The following SLCO3A1 variants were observed in gnomAD, a reference collection of about 807,000 sequenced individuals.
The protein encoded by SLCO3A1 is PGE1 transporter.
In SLCO3A1, 27 loss-of-function variants were observed where a neutral mutation model predicts 63.1. The observed-to-expected ratio is 0.43, with a 90% CI of 0.32 to 0.59. The LOEUF is 0.59. SLCO3A1 is among the 20% of genes least tolerant of loss of function. SLCO3A1 has a pLI of 0.09. For synonymous variants in SLCO3A1, 473 were observed against 409.9 expected, an observed-to-expected ratio of 1.15 and a Z score of -1.86; for missense variants, 773 against 945.8, an observed-to-expected ratio of 0.82 and a Z score of 2.40.
At chr15:91,963,651 T>C (rs1033668234) in intron 2 of SLCO3A1, among the ~76,000 whole-genome samples, 1 of 152,146 alleles carries the variant, frequency 6.6e-6, no homozygotes, top group African/African-American at 2.4e-5. Flanking sequence ...GTGTTACAGT[T>C]CTTAAAGATG....
intron 2 of SLCO3A1, among the ~76,000 whole-genome samples, chr15:92,049,002 C>A (rs892267512): frequency 2.0e-5 from 3 of 152,190 alleles, no homozygotes; most frequent in African/African-American, 7.2e-5. Flanking sequence ...GATGAGGCAG[C>A]CAAAGCCTGG....
chr15:92,032,488 C>G (rs1443213160), intron 2 of SLCO3A1, among the ~76,000 whole-genome samples: 1 of 152,020 alleles, frequency 6.6e-6, no homozygotes, highest in Non-Finnish European at 1.5e-5. Flanking sequence ...AGAGTCAGTG[C>G]AGGGGTGGTG....
intron 4 of SLCO3A1, among the ~76,000 whole-genome samples, chr15:92,116,998 T>C (rs558898209): frequency 5.9e-5 from 9 of 152,212 alleles, no homozygotes; most frequent in Non-Finnish European, 8.8e-5. Context: ...CACATCTAAT[T>C]CAAGGAGAAA....
At chr15:92,128,142 C>T (rs1055710328) in intron 6 of SLCO3A1, among the ~76,000 whole-genome samples, 2 of 152,160 alleles carry the variant, frequency 1.3e-5, no homozygotes, top group Non-Finnish European at 2.9e-5. Flanking sequence ...GCACAACCCA[C>T]GTAGCTCTCA....
chr15:91,987,905 G>A (rs974772619), intron 2 of SLCO3A1, among the ~76,000 whole-genome samples: 29 of 152,198 alleles, frequency 1.9e-4, no homozygotes, highest in African/African-American at 7.0e-4. Context: ...AATACCTAAA[G>A]GAGGGGTCCT....
intron 2 of SLCO3A1, among the ~76,000 whole-genome samples, chr15:91,982,571 A>C (rs1403684578): frequency 1.3e-5 from 2 of 152,208 alleles, no homozygotes; most frequent in Admixed American, 1.3e-4. Flanking sequence ...TTCTGGGCAA[A>C]AGCAGTGTTA....
At chr15:91,920,179 A>C (rs1667288403) in intron 2 of SLCO3A1, among the ~76,000 whole-genome samples, 1 of 152,208 alleles carries the variant, frequency 6.6e-6, no homozygotes, top group South Asian at 2.1e-4. Context: ...TAACTTACCC[A>C]AGCTCATTTA....
At chr15:92,131,164 T>C (rs973540733) in intron 7 of SLCO3A1, among the ~76,000 whole-genome samples, 7 of 152,174 alleles carry the variant, frequency 4.6e-5, no homozygotes, top group African/African-American at 1.7e-4. Context: ...GATCTGGCTT[T>C]TGAATGTAGG....
chr15:92,013,214 G>A (rs1441011526), intron 2 of SLCO3A1, among the ~76,000 whole-genome samples: 1 of 152,244 alleles, frequency 6.6e-6, no homozygotes, highest in Non-Finnish European at 1.5e-5. Context: ...TCAGCATAGA[G>A]GGAATGTGAA....
intron 2 of SLCO3A1, among the ~76,000 whole-genome samples, chr15:92,044,758 C>T (rs937967872): frequency 3.9e-5 from 6 of 152,246 alleles, no homozygotes; most frequent in African/African-American, 1.2e-4. Context: ...GTCTGATGCT[C>T]CAGCTTCTAC....
intron 2 of SLCO3A1, among the ~76,000 whole-genome samples, chr15:92,010,407 C>T (rs755713531): frequency 2.6e-5 from 4 of 152,164 alleles, no homozygotes; most frequent in Non-Finnish European, 5.9e-5. Flanking sequence ...GCATTCAGTC[C>T]AGCGTTTCTC....
downstream of SLCO3A1, among the ~76,000 whole-genome samples, chr15:92,167,545 A>G (rs1014317026): frequency 6.6e-6 from 1 of 152,214 alleles, no homozygotes; most frequent in African/African-American, 2.4e-5. Context: ...CAACAGCCGC[A>G]AGAACGTAAT....
In SLCO3A1 at chr15:91,857,029, CGTGTGTGTGTGT is replaced by C. The variant is rs58042356; in HGVS notation, c.180+2971_180+2982del. ...AGAAGCAACTTTGAGAAGGAGGACT[CGTGTGTGTGTGT>C]GTGTGTGTGTGTGTGTGTGTGTGTG... On this transcript the variant is annotated intron_variant, in intron 1 of 9. Coordinates refer to ENST00000318445, the MANE Select transcript of SLCO3A1 (RefSeq NM_013272.4). Among the ~76,000 whole-genome samples, 86 of 139,116 alleles carry C rather than the reference CGTGTGTGTGTGT, an allele frequency of 6.2e-4. 1 individual carries two copies. In the Middle Eastern group the frequency reaches 0.011, roughly 18 times the overall value. The allele number at this position is 139,116 out of a possible 152,430, so 91.3% of individuals were successfully genotyped here. A position where few individuals can be genotyped will look rare whatever the true frequency, so the allele number is the denominator to read the frequency against.
intron 1 of SLCO3A1, among the ~76,000 whole-genome samples, chr15:91,902,458 C>T (rs1333062188): frequency 2.0e-5 from 3 of 151,824 alleles, no homozygotes; most frequent in Non-Finnish European, 4.4e-5. Context: ...CTTTTGCTTG[C>T]CCCAACCAGC....
At chr15:92,108,506 G>A (rs1359081857) in intron 4 of SLCO3A1, among the ~76,000 whole-genome samples, 3 of 152,128 alleles carry the variant, frequency 2.0e-5, no homozygotes, top group Non-Finnish European at 4.4e-5. Context: ...GCTTTTGAGA[G>A]GCTACACCTG....
intron 2 of SLCO3A1, among the ~76,000 whole-genome samples, chr15:92,072,335 G>T (rs1202638309): frequency 3.3e-5 from 5 of 149,786 alleles, no homozygotes; most frequent in African/African-American, 1.2e-4. Context: ...GGTGGTTGTT[G>T]TTGTCGGCTC....
intron 2 of SLCO3A1, among the ~76,000 whole-genome samples, chr15:91,931,793 A>ACACACACACACACT (rs1899240577): frequency 6.7e-6 from 1 of 149,314 alleles, no homozygotes; most frequent in African/African-American, 2.5e-5. Context: ...GTGGAAACAC[A>ACACACACACACACT]CACACACGCA....
intron 2 of SLCO3A1, among the ~76,000 whole-genome samples, chr15:92,044,956 C>A (rs2046842743): frequency 6.6e-6 from 1 of 152,128 alleles, no homozygotes; most frequent in South Asian, 2.1e-4. Context: ...CTCCAGCCAT[C>A]CTCTGAGCCT....
Position 91,994,519 on chromosome 15 carries a change from C to T in SLCO3A1, c.646+78061C>T, listed in dbSNP as rs917897542. ...CCAGAGTCCATGCCCTCAGCAGCTA[C>T]GTTGTGTTGTCCTTAAGGAGGAGCA... On this transcript the variant is annotated intron_variant, in intron 2 of 9. Coordinates refer to ENST00000318445, the MANE Select transcript of SLCO3A1 (RefSeq NM_013272.4). 4.6e-5 allele frequency among the ~76,000 whole-genome samples: 7 copies of T among 152,226 alleles called. No homozygotes were observed. In the East Asian group the frequency reaches 9.7e-4, roughly 21 times the overall value.
Sources: allele counts gnomAD v4.1 joint callset (sites outside exome capture counted in the v4.1 genomes callset), GRCh38; gene constraint gnomAD v4.1.1; transcripts MANE v1.5; gene names NCBI Gene and HGNC (gene_info 2026-07-23, HGNC 2026-07-21).